The following FAIM2 variants were observed in gnomAD, a reference collection of about 807,000 sequenced individuals.
The protein encoded by FAIM2 is Fas apoptotic inhibitory molecule 2.
FAIM2 carries 27 observed loss-of-function variants against 47.4 expected under a neutral mutation model. The ratio of observed to expected loss-of-function variants is 0.57; its 90% CI spans 0.42 to 0.78. The LOEUF is 0.78. FAIM2 is among the 30% of genes least tolerant of loss of function. The pLI is 0.00. For synonymous variants in FAIM2, 156 were observed against 159.3 expected (o/e 0.98, Z 0.16); for missense variants, 311 against 389.4 (o/e 0.80, Z 1.69).
chr12:49,898,828 C>T (rs527396635), intron 2 of FAIM2, among the ~76,000 whole-genome samples: 31 of 152,130 alleles, frequency 2.0e-4, no homozygotes, highest in Non-Finnish European at 3.8e-4. Context: ...GTGCCCAGCT[C>T]TGACTCTGGC....
At chr12:49,878,303 TG>T (rs1946757505) in intron 11 of FAIM2, among the ~76,000 whole-genome samples, 1 of 136,772 alleles carries the variant, frequency 7.3e-6, no homozygotes, top group Non-Finnish European at 1.6e-5. Context: ...TATGGGTGTA[TG>T]TGCATGCGTG....
chr12:49,898,241 C>T (rs1244656058), intron 2 of FAIM2, 151 bp from the exon 3 acceptor site: 4 of 642,038 alleles, frequency 6.2e-6, no homozygotes, highest in African/African-American at 3.6e-5. Flanking sequence ...AACACCCAGC[C>T]CGGCTCCACC....
rs1057075030 is a variant in FAIM2 at position 49,867,589 on chromosome 12, C to A, written c.*2915G>T. 6 of 152,240 alleles carry A rather than the reference C, an allele frequency of 3.9e-5. No individual in the cohort carries two copies. Among genetic ancestry groups the A allele is most frequent in the African/African-American group, 7.2e-5 (3 of 41,438 alleles). The allele number at this position is 152,240 out of a possible 1,614,324, so 9.4% of individuals were successfully genotyped here. On this transcript the variant is annotated 3_prime_UTR_variant, in exon 12 of 12. Transcript: ENST00000320634. ...TCCAGAAGAGGACTTCAGTGGGAGA[C>A]CCCTCAACTCACATTCCGGACAGTC...
intron 7 of FAIM2, among the ~76,000 whole-genome samples, 172 bp from the exon 8 acceptor site, chr12:49,890,326 A>G (rs1463458516): frequency 2.6e-5 from 4 of 151,940 alleles, no homozygotes; most frequent in Non-Finnish European, 5.9e-5. Flanking sequence ...GAGTGTCCCT[A>G]CTGCCAGCTT....
At chr12:49,880,314 ATGTGTATG>A (rs1359610722) in intron 11 of FAIM2, among the ~76,000 whole-genome samples, 2 of 140,996 alleles carry the variant, frequency 1.4e-5, no homozygotes, top group East Asian at 4.2e-4. Flanking sequence ...GCATGTGTGT[ATGTGTATG>A]TGTGTCTGTG....
At chr12:49,880,308 GTGTGTA>G (rs1263704603) in intron 11 of FAIM2, among the ~76,000 whole-genome samples, 10 of 147,226 alleles carry the variant, frequency 6.8e-5, no homozygotes, top group East Asian at 2.0e-4. Context: ...GTATGTGCAT[GTGTGTA>G]TGTGTATGTG....
chr12:49,897,774 A>G (rs1198514156), intron 3 of FAIM2, among the ~76,000 whole-genome samples, 191 bp from the exon 4 acceptor site: 1 of 142,974 alleles, frequency 7.0e-6, no homozygotes, highest in African/African-American at 2.8e-5. Context: ...ACCCCCCCCC[A>G]GCATTGGGAG....
intron 11 of FAIM2, among the ~76,000 whole-genome samples, chr12:49,876,205 C>T (rs946050602): frequency 6.6e-6 from 1 of 152,182 alleles, no homozygotes; most frequent in Non-Finnish European, 1.5e-5. Flanking sequence ...ATTGACCACA[C>T]ACCAGGCACT....
At chr12:49,895,550 C>G (rs969608802) in intron 5 of FAIM2, among the ~76,000 whole-genome samples, 5 of 152,206 alleles carry the variant, frequency 3.3e-5, no homozygotes, top group Non-Finnish European at 5.9e-5. Flanking sequence ...TGGGCTGGCC[C>G]AGGTGGTAGT....
intron 11 of FAIM2, among the ~76,000 whole-genome samples, chr12:49,879,393 TGTGTCCATGTGA>T (rs1946782370): frequency 6.6e-6 from 1 of 151,930 alleles, no homozygotes; most frequent in African/African-American, 2.4e-5. Context: ...TATGTGGGTA[TGTGTCCATGTGA>T]GTGTGCATGT....
intron 11 of FAIM2, among the ~76,000 whole-genome samples, chr12:49,885,676 A>T (rs555000182): frequency 1.3e-4 from 20 of 152,296 alleles, no homozygotes; most frequent in Non-Finnish European, 2.4e-4. Flanking sequence ...GATCAAGACC[A>T]CATTGAGCCA....
chr12:49,880,380 GTC>G (rs1219750900), intron 11 of FAIM2, among the ~76,000 whole-genome samples: 4 of 142,530 alleles, frequency 2.8e-5, no homozygotes, highest in South Asian at 2.2e-4. Context: ...GTGTATGTGT[GTC>G]TATGTGTGCA....
intron 10 of FAIM2, among the ~76,000 whole-genome samples, chr12:49,887,933 A>T (rs956547006): frequency 8.5e-5 from 13 of 152,154 alleles, no homozygotes; most frequent in Admixed American, 6.5e-4. Context: ...AGTCTCTGCC[A>T]GCTGTGCATG....
intron 11 of FAIM2, among the ~76,000 whole-genome samples, chr12:49,882,836 G>C (rs1022206468): frequency 6.6e-6 from 1 of 152,218 alleles, no homozygotes; most frequent in Non-Finnish European, 1.5e-5. Flanking sequence ...CACTGGGGCT[G>C]CAGTGATGAA....
chr12:49,887,025 CT>C (rs1208626204), intron 11 of FAIM2, among the ~76,000 whole-genome samples: 1 of 152,116 alleles, frequency 6.6e-6, no homozygotes, highest in African/African-American at 2.4e-5. Context: ...CTGATTGCCC[CT>C]AGGAGGGTAA....
At chr12:49,887,530 C>T in intron 10 of FAIM2, 91 bp from the exon 11 acceptor site, 1 of 1,131,120 alleles carries the variant, frequency 8.8e-7, no homozygotes, top group East Asian at 2.6e-5. Flanking sequence ...GAATGGAGGA[C>T]ACGGGGTAGC....
Position 49,898,044 on chromosome 12 carries a change from C to T in FAIM2, c.258G>A (p.Glu86=), listed in dbSNP as rs753696665. ...YDNGFPTGDH[E]LFTTFSWDDQ... Reference sequence around the variant, plus strand: ...CATCCCAGCTGAAAGTGGTGAAGAGCTCATGGTCTCCGGTGGGGAAACCGT... The same window carrying T: ...CATCCCAGCTGAAAGTGGTGAAGAGTTCATGGTCTCCGGTGGGGAAACCGT... The change falls in exon 3 of 12, where the codon GAG becomes GAA. Residue 86 remains glutamate, a synonymous_variant. Coordinates refer to ENST00000320634, the MANE Select transcript of FAIM2 (RefSeq NM_012306.4). 1 of 1,614,128 alleles carries T rather than the reference C, an allele frequency of 6.2e-7. No homozygotes were observed. The highest frequency in any genetic ancestry group is 1.7e-5 in the Admixed American group (1 of 60,022).
intron 5 of FAIM2, among the ~76,000 whole-genome samples, chr12:49,892,253 AC>A (rs1256518302): frequency 6.6e-6 from 1 of 150,558 alleles, no homozygotes; most frequent in African/African-American, 2.5e-5. Context: ...CAATCCTCCC[AC>A]CCCCTTAATT....
chr12:49,878,240 G>C lies in FAIM2; in HGVS notation c.802-7587C>G, dbSNP rs1385917156. On this transcript the variant is annotated intron_variant, in intron 11 of 11. Coordinates refer to ENST00000320634, the MANE Select transcript of FAIM2 (RefSeq NM_012306.4). ...TGTGTATATGTGCATGAGTGTATGT[G>C]TGTATATGTGAGTGTATGTGCATGT... Among the ~76,000 whole-genome samples, 2 of 130,760 alleles carry C rather than the reference G, an allele frequency of 1.5e-5. 1 individual carries two copies. Among genetic ancestry groups the C allele is most frequent in the African/African-American group, 5.9e-5 (2 of 33,832 alleles). The allele number at this position is 130,760 out of a possible 152,430, so 85.8% of individuals were successfully genotyped here.
Sources: gnomAD v4.1 joint callset for allele counts (sites outside exome capture counted in the v4.1 genomes callset) on GRCh38, gnomAD v4.1.1 for gene constraint, MANE v1.5 for transcripts, NCBI Gene and HGNC (gene_info 2026-07-23, HGNC 2026-07-21) for gene names.